The following SNURF variants were observed in gnomAD, a reference collection of about 807,000 sequenced individuals.
SNURF encodes the protein SNRPN upstream open reading frame.
Under a neutral mutation model 11.6 loss-of-function variants are expected in SNURF, and 6 were observed. The ratio of observed to expected loss-of-function variants is 0.52; its 90% CI spans 0.28 to 1.02. SNURF has a LOEUF of 1.02. Ranked by LOEUF, SNURF falls within the 50% of genes least tolerant of loss-of-function variation. The pLI, the probability that SNURF is intolerant of heterozygous loss-of-function variation, is 0.09. For synonymous variants in SNURF, 29 were observed against 31.6 expected (o/e 0.92, Z 0.27); for missense variants, 84 against 88.4 (o/e 0.95, Z 0.20).
downstream of SNURF, among the ~76,000 whole-genome samples, chr15:24,972,613 C>T (rs565296284): frequency 4.1e-4 from 60 of 148,140 alleles, no homozygotes; most frequent in African/African-American, 1.1e-3. Flanking sequence ...GTGCGATCTC[C>T]GCTCAAAAAG....
rs761310114 is a variant in SNURF, at chr15:24,962,253, C to G, written c.110+44C>G. The G allele has an allele frequency of 2.7e-6, 4 of 1,508,520 alleles. No homozygotes were observed. In the South Asian group the frequency reaches 4.5e-5, roughly 17 times the overall value. 93.4% of individuals were successfully genotyped at this position (1,508,520 alleles called of 1,614,324 possible). On this transcript the variant is annotated intron_variant, in intron 2 of 2. Coordinates refer to ENST00000577949, the Ensembl canonical transcript of SNURF. The stretch of plus-strand genomic sequence containing the variant: ...GGGAACAAATGCAAGTCAGAATCTC[C>G]TTTCAGATTAGAACAAAATATCATG...
chr15:24,965,223 G>T (rs891722531), intron 2 of SNURF, among the ~76,000 whole-genome samples: 4 of 152,112 alleles, frequency 2.6e-5, no homozygotes, highest in African/African-American at 7.2e-5. Flanking sequence ...TGGAGGAGTT[G>T]TGTGGTTATT....
downstream of SNURF, among the ~76,000 whole-genome samples, chr15:24,972,333 T>C (rs1287736988): frequency 1.3e-5 from 2 of 151,626 alleles, no homozygotes; most frequent in Non-Finnish European, 2.9e-5. Context: ...TTATAAAGAA[T>C]CATAAGATAA....
At chr15:24,970,562 G>A (rs1209264852), downstream of SNURF, among the ~76,000 whole-genome samples, 1 of 152,182 alleles carries the variant, frequency 6.6e-6, no homozygotes, top group South Asian at 2.1e-4. Context: ...CTGCGTGACA[G>A]AGCAAGACTT....
rs138351009 is a variant in SNURF, at chr15:24,968,170, AT to A, written c.*140del. The A allele has an allele frequency of 5.3e-5, 43 of 811,806 alleles. No homozygotes were observed. The East Asian group carries it at 9.6e-4, about 18-fold the overall frequency. 50.3% of individuals were successfully genotyped at this position (811,806 alleles called of 1,614,324 possible). ...TCTCTTAATTATCAGTGACACATTAATTTTTTTCCTTAGAGCTTCATACAAT... is the reference window on the plus strand; with the variant it reads ...TCTCTTAATTATCAGTGACACATTAATTTTTTCCTTAGAGCTTCATACAAT... On this transcript the variant is annotated 3_prime_UTR_variant, in exon 3 of 3. Coordinates refer to ENST00000577949, the Ensembl canonical transcript of SNURF.
In SNURF at chr15:24,967,895, A is replaced by G. The variant is rs373716729; in HGVS notation, c.111-37A>G. The G allele has an allele frequency of 1.7e-5, 26 of 1,543,756 alleles. No individual in the cohort carries two copies. In the African/African-American group the frequency reaches 3.0e-4, roughly 18 times the overall value. On this transcript the variant is annotated intron_variant, in intron 2 of 2. Transcript: ENST00000577949. Reference sequence around the variant, plus strand: ...TATGGTTTCCTATAAAGACAAATGTATTTTTATCATTTATATATATTGTGC... The same window carrying G: ...TATGGTTTCCTATAAAGACAAATGTGTTTTTATCATTTATATATATTGTGC...
chr15:24,955,343 C>T (rs1222519781), intron 1 of SNURF, among the ~76,000 whole-genome samples: 3 of 151,658 alleles, frequency 2.0e-5, no homozygotes, highest in African/African-American at 7.3e-5. Flanking sequence ...GTGGGAAGGG[C>T]GGTGGTGACT....
chr15:24,975,361 G>C (rs751103846), exon 4 of SNURF: 1 of 1,613,048 alleles, frequency 6.2e-7, no homozygotes, highest in Non-Finnish European at 8.5e-7. Context: ...CTTCTAGACT[G>C]TTGGCAAGAG....
intron 2 of SNURF, among the ~76,000 whole-genome samples, chr15:24,963,393 G>T (rs142905589): frequency 1.5e-3 from 233 of 152,130 alleles, no homozygotes; most frequent in African/African-American, 5.3e-3. Flanking sequence ...AAGCCAGGCG[G>T]ATCACAAGGT....
At chr15:24,957,359 T>C (rs77861095) in intron 1 of SNURF, among the ~76,000 whole-genome samples, 2,713 of 152,276 alleles carry the variant, frequency 0.018, 74 homozygotes, top group African/African-American at 0.062. Flanking sequence ...GACAATCTTA[T>C]TGGGGTGGGG....
In SNURF at chr15:24,965,042, A is replaced by G. The variant is rs1021347528; in HGVS notation, c.110+2833A>G. 2.6e-5 allele frequency among the ~76,000 whole-genome samples: 4 copies of G among 152,242 alleles called. No homozygotes were observed. The East Asian group carries it at 7.7e-4, about 29-fold the overall frequency. ...CCTTGTGCGTTTTCATTTTGAGAGT[A>G]ATTGGATTATGGAATGGGTAAGCAG... On this transcript the variant is annotated intron_variant, in intron 2 of 2. Coordinates refer to ENST00000577949, the Ensembl canonical transcript of SNURF.
At chr15:24,956,951 A>C (rs1314367497) in intron 1 of SNURF, among the ~76,000 whole-genome samples, 1 of 152,198 alleles carries the variant, frequency 6.6e-6, no homozygotes, top group Non-Finnish European at 1.5e-5. Context: ...CTGTTTCAGC[A>C]AGCCTCCATT....
exon 3 of SNURF, chr15:24,968,290 C>T (rs973314333): frequency 1.0e-5 from 4 of 397,768 alleles, no homozygotes; most frequent in Admixed American, 4.1e-5. Flanking sequence ...GTTATTGTAG[C>T]GCATGCTTTT....
chr15:24,967,808 GAAAAAAAAAA>G, intron 2 of SNURF, 114 bp from the exon 3 acceptor site: 2 of 491,528 alleles, frequency 4.1e-6, no homozygotes, highest in Non-Finnish European at 3.4e-6. Flanking sequence ...ACCCTGTCTG[GAAAAAAAAAA>G]AAAAAAAAAA....
intron 2 of SNURF, among the ~76,000 whole-genome samples, chr15:24,966,174 T>A (rs886865652): frequency 6.6e-6 from 1 of 152,152 alleles, no homozygotes; most frequent in African/African-American, 2.4e-5. Flanking sequence ...GCACCCACAC[T>A]TCCGACCAAC....
downstream of SNURF, chr15:24,968,666 C>T (rs2076006710): frequency 6.6e-6 from 1 of 152,490 alleles, no homozygotes; most frequent in Non-Finnish European, 1.5e-5. Flanking sequence ...TATAAATACA[C>T]AGCACATAAT....
intron 2 of SNURF, among the ~76,000 whole-genome samples, chr15:24,962,424 A>G (rs1205215435): frequency 6.6e-6 from 1 of 152,210 alleles, no homozygotes; most frequent in East Asian, 1.9e-4. Flanking sequence ...CTTTTTTCCT[A>G]TACGTGGGTA....
chr15:24,967,626 A>G (rs898393982), intron 2 of SNURF, among the ~76,000 whole-genome samples: 3 of 148,514 alleles, frequency 2.0e-5, no homozygotes, highest in African/African-American at 7.5e-5. Flanking sequence ...TGGGCGACAG[A>G]GTGAGACTCT....
At chr15:24,972,541 CTT>C (rs755600861), downstream of SNURF, among the ~76,000 whole-genome samples, 3 of 112,206 alleles carry the variant, frequency 2.7e-5, no homozygotes, top group African/African-American at 3.3e-5. Flanking sequence ...TTAGAGTATT[CTT>C]TTTTTTTTTT....
Sources: allele counts gnomAD v4.1 joint callset (sites outside exome capture counted in the v4.1 genomes callset), GRCh38; gene constraint gnomAD v4.1.1; transcripts MANE v1.5; gene names NCBI Gene and HGNC (gene_info 2026-07-23, HGNC 2026-07-21).